CD1C: variants seen among roughly 807,000 people sequenced by gnomAD.
CD1C encodes T-cell surface glycoprotein CD1c.
In CD1C, 47 loss-of-function variants were observed where a neutral mutation model predicts 39.4. The ratio of observed to expected loss-of-function variants is 1.19; its 90% CI spans 0.94 to 1.52. The LOEUF (loss-of-function observed/expected upper bound fraction) is 1.52. CD1C is among the 40% of genes most tolerant of loss of function. The pLI is 0.00. For synonymous variants in CD1C, 165 were observed against 150.8 expected, an observed-to-expected ratio of 1.09 and a Z score of -0.69; for missense variants, 417 against 395.2, an observed-to-expected ratio of 1.06 and a Z score of -0.47.
chr1:158,292,957 T>A, intron 4 of CD1C, 83 bp downstream of exon 4: 1 of 1,354,310 alleles, frequency 7.4e-7, no homozygotes, highest in Non-Finnish European at 1.0e-6. Context: ...ATAGCAGACC[T>A]AGGTGAGGGA....
rs1429751533 is a variant in CD1C at position 158,291,315 on chromosome 1, G to A, written c.243G>A (p.Leu81=). Residue 81 remains leucine, a synonymous_variant, in exon 2 of 6, where the codon TTG becomes TTA. Transcript: ENST00000368170. The part of the protein sequence containing the change: ...WSKGNFSNEE[L]SDLELLFRFY... ...AGGGCAACTTCAGCAATGAAGAGTTGTCAGACCTAGAGTTGTTATTTCGTT... is the reference window on the plus strand; with the variant it reads ...AGGGCAACTTCAGCAATGAAGAGTTATCAGACCTAGAGTTGTTATTTCGTT... The A allele has an allele frequency of 1.2e-6, 2 of 1,614,102 alleles. No homozygotes were observed. Among genetic ancestry groups the A allele is most frequent in the Non-Finnish European group, 1.7e-6 (2 of 1,179,980 alleles).
chr1:158,291,031 A>C, intron 1 of CD1C, 103 bp from the exon 2 acceptor site: 2 of 1,208,936 alleles, frequency 1.7e-6, no homozygotes, highest in South Asian at 1.6e-5. Context: ...GTAGTCATTA[A>C]TGTTTCTCTG....
chr1:158,290,179 G>C (rs1650985995), intron 1 of CD1C, 54 bp downstream of exon 1: 1 of 1,512,942 alleles, frequency 6.6e-7, no homozygotes, highest in African/African-American at 1.4e-5. Context: ...AGAGTGTGCT[G>C]GGCTTTCCCG....
rs1330411422 is a variant in CD1C, at chr1:158,292,231, C to T, written c.476C>T (p.Ala159Val). The T allele has an allele frequency of 6.2e-7, 1 of 1,614,094 alleles. No individual in the cohort carries two copies. The highest frequency in any genetic ancestry group is 1.7e-5 in the Admixed American group (1 of 60,010). The change falls in exon 3 of 6, where the codon GCC becomes GTC. Residue 159 changes from alanine to valine, a missense_variant. By Grantham distance (64) the Ala-to-Val change is moderately conservative (BLOSUM62 0). Transcript: ENST00000368170. ...WVPSPGCGSL[A>V]QSVCHLLNHQ... ...CCATCTCCAGGCTGTGGAAGTTTGG[C>T]CCAAAGTGTCTGTCATCTACTCAAT... is the stretch of plus-strand genomic sequence containing the variant.
intron 2 of CD1C, 39 bp downstream of exon 2, chr1:158,291,439 T>C: frequency 1.3e-6 from 2 of 1,596,648 alleles, no homozygotes; most frequent in Middle Eastern, 1.8e-4. Flanking sequence ...TTCTTTAGAA[T>C]GTTCTATTTC....
chr1:158,291,926 C>A (rs1057105442), intron 2 of CD1C, among the ~76,000 whole-genome samples, 158 bp from the exon 3 acceptor site: 1 of 152,192 alleles, frequency 6.6e-6, no homozygotes, highest in African/African-American at 2.4e-5. Context: ...CTATCCCCAG[C>A]AATTTTTCTC....
chr1:158,293,420 T>A (rs1458349393), intron 5 of CD1C, 35 bp from the exon 6 acceptor site: 1 of 1,612,002 alleles, frequency 6.2e-7, no homozygotes, highest in Non-Finnish European at 8.5e-7. Context: ...ACCTCCAACT[T>A]ATTCAGGGTT....
Position 158,292,758 on chromosome 1 carries a change from C to T in CD1C, c.773C>T (p.Ala258Val), listed in dbSNP as rs899159182. The change falls in exon 4 of 6, where the codon GCT becomes GTT. Residue 258 changes from alanine (A) to valine (V), a missense_variant. By Grantham distance (64) the Ala-to-Val change is moderately conservative (BLOSUM62 0). Coordinates refer to ENST00000368170, the MANE Select transcript of CD1C (RefSeq NM_001765.3). ...GTKHGDILPN[A>V]DGTWYLQVIL... is the part of the protein sequence containing the mutation. ...AAACATGGTGATATTCTTCCTAATGCTGATGGGACATGGTATCTTCAGGTG... is the reference window on the plus strand; with the variant it reads ...AAACATGGTGATATTCTTCCTAATGTTGATGGGACATGGTATCTTCAGGTG... 5 of 1,614,200 alleles carry T rather than the reference C, an allele frequency of 3.1e-6. No individual in the cohort carries two copies. Among genetic ancestry groups the T allele is most frequent in the Non-Finnish European group, 4.2e-6 (5 of 1,180,024 alleles).
Position 158,292,872 on chromosome 1 carries a change from G to T in CD1C, c.887G>T (p.Trp296Leu). The change falls in exon 4 of 6, where the codon TGG (tryptophan) becomes TTG (leucine). Residue 296 changes from tryptophan to leucine, a missense_variant and splice_region_variant. Coordinates refer to ENST00000368170, the MANE Select transcript of CD1C (RefSeq NM_001765.3). ...GGAGGCCAGGACATCATCCTCTACT[G>T]GGGTAAGACTGGAGGTTGGAAGTGT... ...SLGGQDIILY[W>L]GHHFSMNWIA... is the part of the protein sequence containing the mutation. The T allele has an allele frequency of 6.2e-7, 1 of 1,613,636 alleles. No individual in the cohort carries two copies.
intron 3 of CD1C, 99 bp from the exon 4 acceptor site, chr1:158,292,497 C>T: frequency 8.1e-6 from 12 of 1,488,888 alleles, no homozygotes; most frequent in Non-Finnish European, 1.0e-5. Context: ...TTCTTAGAGG[C>T]AGGAAAAAGA....
intron 2 of CD1C, 50 bp from the exon 3 acceptor site, chr1:158,292,034 G>T: frequency 6.4e-7 from 1 of 1,557,682 alleles, no homozygotes; most frequent in Non-Finnish European, 8.7e-7. Flanking sequence ...TTATACTGTT[G>T]TTTTCACTTT....
chr1:158,292,111 GCTGT>G lies in CD1C; in HGVS notation c.357_360del (p.Cys120SerfsTer14). Reference sequence around the variant, plus strand: ...CCCTTTGAAGTACAGGTGAAAGCGGGCTGTGAGCTGCATTCTGGAAAGAGCCCAG... The same window carrying G: ...CCCTTTGAAGTACAGGTGAAAGCGGGGAGCTGCATTCTGGAAAGAGCCCAG... On this transcript the variant is annotated frameshift_variant, in exon 3 of 6. Transcript: ENST00000368170. LOFTEE classifies it high-confidence loss of function. 1.2e-6 allele frequency: 2 copies of G among 1,614,070 alleles called. No individual in the cohort carries two copies. The highest frequency in any genetic ancestry group is 1.7e-6 in the Non-Finnish European group (2 of 1,179,988).
intron 1 of CD1C, 56 bp downstream of exon 1, chr1:158,290,181 G>A: frequency 6.7e-7 from 1 of 1,498,444 alleles, no homozygotes; most frequent in Non-Finnish European, 9.3e-7. Flanking sequence ...AGTGTGCTGG[G>A]CTTTCCCGAG....
chr1:158,292,506 G>C, intron 3 of CD1C, 90 bp from the exon 4 acceptor site: 1 of 1,501,940 alleles, frequency 6.7e-7, no homozygotes, highest in Non-Finnish European at 9.0e-7. Context: ...GCAGGAAAAA[G>C]ATAACTGTGC....
intron 5 of CD1C, 72 bp from the exon 6 acceptor site, chr1:158,293,382 TG>T: frequency 6.3e-7 from 1 of 1,594,178 alleles, no homozygotes; most frequent in Non-Finnish European, 8.6e-7. Context: ...TTTTCTCTAT[TG>T]ACTACTCCAC....
chr1:158,292,116 G>A lies in CD1C; in HGVS notation c.361G>A (p.Glu121Lys). 1 of 1,614,082 alleles carries A rather than the reference G, an allele frequency of 6.2e-7. No individual in the cohort carries two copies. Among genetic ancestry groups the A allele is most frequent in the South Asian group, 1.1e-5 (1 of 91,072 alleles). ...PFEVQVKAGC[E>K]LHSGKSPEGF... ...TGAAGTACAGGTGAAAGCGGGCTGT[G>A]AGCTGCATTCTGGAAAGAGCCCAGA... Residue 121 changes from glutamate (E) to lysine (K), a missense_variant, in exon 3 of 6, where the codon GAG becomes AAG. Glu to Lys is a moderately conservative substitution (Grantham distance 56). Coordinates refer to ENST00000368170, the MANE Select transcript of CD1C (RefSeq NM_001765.3).
In CD1C at chr1:158,290,129, A is replaced by G. The variant is rs369100272; in HGVS notation, c.61+4A>G. The stretch of plus-strand genomic sequence containing the variant: ...CCAGGTGGTGACAATGCAGACGGTA[A>G]GAACATCGCTGTCAGCTGCAAGGTT... On this transcript the variant is annotated splice_donor_region_variant and intron_variant, in intron 1 of 5. Transcript: ENST00000368170. 94 of 1,612,416 alleles carry G rather than the reference A, an allele frequency of 5.8e-5. 1 individual carries two copies. The Middle Eastern group carries it at 1.7e-3, about 28-fold the overall frequency.
intron 1 of CD1C, 22 bp downstream of exon 1, chr1:158,290,147 G>T (rs1430872384): frequency 6.2e-7 from 1 of 1,608,398 alleles, no homozygotes; most frequent in Admixed American, 1.7e-5. Context: ...GCTGTCAGCT[G>T]CAAGGTTACA....
In CD1C at chr1:158,293,664, A is replaced by G; in HGVS notation, c.*188A>G. On this transcript the variant is annotated 3_prime_UTR_variant, in exon 6 of 6. Coordinates refer to ENST00000368170, the MANE Select transcript of CD1C (RefSeq NM_001765.3). Reference sequence around the variant, plus strand: ...TTGGAATCTCCACTTTTTATATAGCACTCAACCTTCAAAGCCCATTTCTGA... The same window carrying G: ...TTGGAATCTCCACTTTTTATATAGCGCTCAACCTTCAAAGCCCATTTCTGA... The G allele has an allele frequency of 2.2e-6, 3 of 1,384,408 alleles. No homozygotes were observed. Among genetic ancestry groups the G allele is most frequent in the Non-Finnish European group, 3.0e-6 (3 of 999,794 alleles). 85.8% of individuals were successfully genotyped at this position (1,384,408 alleles called of 1,614,324 possible). A position where few individuals can be genotyped will look rare whatever the true frequency, so the allele number is the denominator to read the frequency against.
Sources: allele counts gnomAD v4.1 joint callset (sites outside exome capture counted in the v4.1 genomes callset), GRCh38; gene constraint gnomAD v4.1.1; transcripts MANE v1.5; gene names NCBI Gene and HGNC (gene_info 2026-07-23, HGNC 2026-07-21).